Variants in GPC5 observed in about 807,000 individuals in gnomAD.
The protein encoded by GPC5 is glypican-5.
Under a neutral mutation model 53.9 loss-of-function variants are expected in GPC5, and 47 were observed. The ratio of observed to expected loss-of-function variants is 0.87; its 90% CI spans 0.69 to 1.11. The LOEUF (loss-of-function observed/expected upper bound fraction) is 1.11, where lower values mean the gene tolerates loss of function less well. Among genes scored for constraint, GPC5 ranks in the 50% most tolerant of loss-of-function variants. GPC5 has a pLI of 0.00. For missense variants in GPC5, 748 were observed against 713.1 expected, an observed-to-expected ratio of 1.05 and a Z score of -0.56; for synonymous variants, 286 against 263.3, an observed-to-expected ratio of 1.09 and a Z score of -0.84.
intron 7 of GPC5, among the ~76,000 whole-genome samples, chr13:92,860,246 CA>C (rs1337986127): frequency 2.0e-5 from 3 of 152,072 alleles, no homozygotes; most frequent in Non-Finnish European, 4.4e-5. Flanking sequence ...AACTATATCT[CA>C]AAATTCTGTT....
At chr13:92,420,023 G>C (rs2209836) in intron 7 of GPC5, among the ~76,000 whole-genome samples, 99,678 of 151,976 alleles carry the variant, frequency 0.66, 33,485 homozygotes, top group African/African-American at 0.8. Flanking sequence ...AATCAGGGCA[G>C]GATCTGTCTC....
intron 7 of GPC5, among the ~76,000 whole-genome samples, chr13:92,742,016 G>A: frequency 1.3e-5 from 2 of 151,592 alleles, no homozygotes; most frequent in African/African-American, 4.9e-5. Flanking sequence ...CCAAGTCTTT[G>A]CTATTGTGAA....
chr13:92,368,684 G>C lies in GPC5; in HGVS notation c.1561+223695G>C, dbSNP rs370308218. On this transcript the variant is annotated intron_variant, in intron 7 of 7. Coordinates refer to ENST00000377067, the MANE Select transcript of GPC5 (RefSeq NM_004466.6). Reference sequence around the variant, plus strand: ...AACCTGAAAGTTAAAATGTGGAAATGCTATTTTATTTTGAAATTTTGATCT... The same window carrying C: ...AACCTGAAAGTTAAAATGTGGAAATCCTATTTTATTTTGAAATTTTGATCT... 5.9e-3 allele frequency among the ~76,000 whole-genome samples: 851 copies of C among 144,126 alleles called. 7 individuals are homozygous for C. The highest frequency in any genetic ancestry group is 0.021 in the African/African-American group (813 of 39,086). 94.6% of individuals were successfully genotyped at this position (144,126 alleles called of 152,430 possible).
chr13:92,383,625 C>T (rs1004455826), intron 7 of GPC5, among the ~76,000 whole-genome samples: 3 of 152,124 alleles, frequency 2.0e-5, no homozygotes, highest in Admixed American at 6.5e-5. Context: ...CTGGAACAAA[C>T]AGTTTTAGTC....
chr13:91,925,462 G>A (rs937550478), intron 6 of GPC5, among the ~76,000 whole-genome samples: 1 of 152,054 alleles, frequency 6.6e-6, no homozygotes, highest in African/African-American at 2.4e-5. Flanking sequence ...AACAAACATT[G>A]ATTCCTTACC....
At chr13:92,006,263 A>C (rs2040605920) in intron 6 of GPC5, among the ~76,000 whole-genome samples, 1 of 152,166 alleles carries the variant, frequency 6.6e-6, no homozygotes, top group African/African-American at 2.4e-5. Context: ...GTACCAAAAT[A>C]ATTTAAGTGG....
intron 6 of GPC5, among the ~76,000 whole-genome samples, chr13:92,021,920 A>G (rs2040761817): frequency 6.6e-6 from 1 of 152,180 alleles, no homozygotes; most frequent in Non-Finnish European, 1.5e-5. Context: ...TTCACTTTTA[A>G]GCACACGCAA....
At chr13:92,136,498 C>T (rs1331491553) in intron 6 of GPC5, among the ~76,000 whole-genome samples, 9 of 152,120 alleles carry the variant, frequency 5.9e-5, no homozygotes, top group South Asian at 2.1e-4. Flanking sequence ...TACCTATACT[C>T]ATTATAGTAT....
At chr13:91,753,894 T>C (rs1337638536) in intron 4 of GPC5, among the ~76,000 whole-genome samples, 2 of 152,192 alleles carry the variant, frequency 1.3e-5, no homozygotes, top group Non-Finnish European at 2.9e-5. Context: ...ATTATCATTG[T>C]AGGTTTTCCC....
At chr13:92,691,534 C>T (rs1406764704) in intron 7 of GPC5, among the ~76,000 whole-genome samples, 1 of 151,902 alleles carries the variant, frequency 6.6e-6, no homozygotes, top group African/African-American at 2.4e-5. Flanking sequence ...TTCTGCGTCG[C>T]TCACGCTGGG....
chr13:92,545,986 G>C (rs1464915617), intron 7 of GPC5, among the ~76,000 whole-genome samples: 1 of 152,072 alleles, frequency 6.6e-6, no homozygotes, highest in Non-Finnish European at 1.5e-5. Flanking sequence ...TAGACATGAA[G>C]TCCTTACCCA....
intron 7 of GPC5, among the ~76,000 whole-genome samples, chr13:92,761,691 G>T (rs191680100): frequency 3.5e-3 from 528 of 152,212 alleles, no homozygotes; most frequent in Non-Finnish European, 5.4e-3. Context: ...TATTTTGATG[G>T]TAGAATGTAA....
intron 7 of GPC5, among the ~76,000 whole-genome samples, chr13:92,203,582 A>G (rs2042310582): frequency 6.9e-6 from 1 of 144,404 alleles, no homozygotes; most frequent in Non-Finnish European, 1.5e-5. Flanking sequence ...GCACATGTAT[A>G]CATATGTAAC....
At chr13:92,052,583 G>A (rs940429167) in intron 6 of GPC5, among the ~76,000 whole-genome samples, 1 of 152,040 alleles carries the variant, frequency 6.6e-6, no homozygotes, top group Non-Finnish European at 1.5e-5. Context: ...CTTTAGCTAG[G>A]CACAGAGTGC....
At chr13:92,557,099 G>GA (rs376552438) in intron 7 of GPC5, among the ~76,000 whole-genome samples, 3,207 of 144,396 alleles carry the variant, frequency 0.022, 113 homozygotes, top group African/African-American at 0.074. Flanking sequence ...ATCTCTGAGA[G>GA]AAAAAAAAAA....
At chr13:91,931,212 A>C (rs2039818676) in intron 6 of GPC5, among the ~76,000 whole-genome samples, 1 of 151,992 alleles carries the variant, frequency 6.6e-6, no homozygotes, top group African/African-American at 2.4e-5. Flanking sequence ...GCATTCCTGC[A>C]TTGAGCTCTC....
chr13:92,165,580 C>T (rs1020299118), intron 7 of GPC5, among the ~76,000 whole-genome samples: 1 of 152,150 alleles, frequency 6.6e-6, no homozygotes, highest in African/African-American at 2.4e-5. Flanking sequence ...CTCCTGAGAA[C>T]AAACTCACTA....
intron 6 of GPC5, among the ~76,000 whole-genome samples, chr13:92,002,091 T>A (rs2040560837): frequency 6.6e-6 from 1 of 152,182 alleles, no homozygotes; most frequent in Non-Finnish European, 1.5e-5. Flanking sequence ...TTTCCTTTTG[T>A]TTACCCCTCT....
intron 5 of GPC5, among the ~76,000 whole-genome samples, chr13:91,763,141 G>A (rs2037449598): frequency 6.6e-6 from 1 of 152,116 alleles, no homozygotes; most frequent in Non-Finnish European, 1.5e-5. Flanking sequence ...TAGGACTTTG[G>A]ACTTGGTGAT....
Sources: gnomAD v4.1 joint callset for allele counts (sites outside exome capture counted in the v4.1 genomes callset) on GRCh38, gnomAD v4.1.1 for gene constraint, MANE v1.5 for transcripts, NCBI Gene and HGNC (gene_info 2026-07-23, HGNC 2026-07-21) for gene names.